The following PTPRK variants were observed in gnomAD, a reference collection of about 807,000 sequenced individuals.
The protein encoded by PTPRK is receptor-type tyrosine-protein phosphatase kappa.
A neutral mutation model predicts 178.0 loss-of-function variants in PTPRK; 75 were observed. That is an observed-to-expected ratio of 0.42 (90% CI 0.35 to 0.51). The LOEUF (loss-of-function observed/expected upper bound fraction) is 0.51, where lower values mean the gene tolerates loss of function less well. Ranked by LOEUF, PTPRK falls within the 20% of genes least tolerant of loss-of-function variation. The pLI is 0.02. For missense variants in PTPRK, 1,441 were observed against 1,797.8 expected (o/e 0.80, Z 3.59); for synonymous variants, 637 against 620.6 (o/e 1.03, Z -0.39).
intron 7 of PTPRK, among the ~76,000 whole-genome samples, chr6:128,143,742 A>T (rs1562664994): frequency 6.6e-6 from 1 of 152,142 alleles, no homozygotes; most frequent in African/African-American, 2.4e-5. Flanking sequence ...TTCCAAGTGA[A>T]TCATTCTAAT....
intron 2 of PTPRK, among the ~76,000 whole-genome samples, chr6:128,378,950 T>C (rs1035207621): frequency 4.6e-5 from 7 of 152,126 alleles, no homozygotes; most frequent in Admixed American, 1.3e-4. Flanking sequence ...AAAATGACCT[T>C]AGAGATTAAA....
chr6:128,260,574 CT>C (rs1434023845), intron 3 of PTPRK, among the ~76,000 whole-genome samples: 1 of 152,140 alleles, frequency 6.6e-6, no homozygotes, highest in Non-Finnish European at 1.5e-5. Flanking sequence ...CTAATTGGAG[CT>C]GGAGAAGCGA....
intron 5 of PTPRK, among the ~76,000 whole-genome samples, chr6:128,229,478 C>A (rs1306676593): frequency 1.3e-5 from 2 of 152,088 alleles, no homozygotes; most frequent in African/African-American, 4.8e-5. Context: ...CTGAAACGAT[C>A]TAGAAATGAG....
rs1264680446 is a variant in PTPRK, at chr6:128,089,996, A to C, written c.1163-4T>G. Reference sequence around the variant, plus strand: ...GTCTTTGGGGTTCTCATAGGTTCTGAAAAATAAATCAGAGTTGTAGACAGC... The same window carrying C: ...GTCTTTGGGGTTCTCATAGGTTCTGCAAAATAAATCAGAGTTGTAGACAGC... On this transcript the variant is annotated splice_region_variant and splice_polypyrimidine_tract_variant and intron_variant, in intron 7 of 29. Coordinates refer to ENST00000368226, the MANE Select transcript of PTPRK (RefSeq NM_002844.4). 2 of 1,588,056 alleles carry C rather than the reference A, an allele frequency of 1.3e-6. No homozygotes were observed. Among genetic ancestry groups the C allele is most frequent in the East Asian group, 4.5e-5 (2 of 44,524 alleles).
intron 1 of PTPRK, among the ~76,000 whole-genome samples, chr6:128,493,877 T>C (rs1014352252): frequency 1.3e-5 from 2 of 152,218 alleles, no homozygotes; most frequent in African/African-American, 2.4e-5. Context: ...CTCTGTCATC[T>C]GCCTTCTCTA....
At chr6:128,056,665 A>G (rs1194247595) in intron 13 of PTPRK, among the ~76,000 whole-genome samples, 1 of 151,906 alleles carries the variant, frequency 6.6e-6, no homozygotes, top group Non-Finnish European at 1.5e-5. Context: ...ACCTTGTGAT[A>G]CACCTGCCTC....
At chr6:128,041,462 A>T (rs957064635) in intron 13 of PTPRK, among the ~76,000 whole-genome samples, 3 of 152,166 alleles carry the variant, frequency 2.0e-5, no homozygotes, top group South Asian at 2.1e-4. Flanking sequence ...GCTCTATAAC[A>T]CTCTGCAAAT....
In PTPRK at chr6:128,281,252, T is replaced by C. The variant is rs530651177; in HGVS notation, c.496-38650A>G. Among the ~76,000 whole-genome samples, 8 of 152,322 alleles carry C rather than the reference T, an allele frequency of 5.3e-5. No individual in the cohort carries two copies. The South Asian group carries it at 1.0e-3, about 20-fold the overall frequency. ...AGAACAGGGCCAGCCAGATGTGGAC[T>C]TCTCCAAATAAAGCGAAGGCAGGAG... is the stretch of plus-strand genomic sequence containing the variant. On this transcript the variant is annotated intron_variant, in intron 3 of 29. Coordinates refer to ENST00000368226, the MANE Select transcript of PTPRK (RefSeq NM_002844.4).
Position 128,078,886 on chromosome 6 carries a change from C to A in PTPRK, c.1810G>T (p.Ala604Ser). The A allele has an allele frequency of 6.2e-7, 1 of 1,612,008 alleles. No homozygotes were observed. Among genetic ancestry groups the A allele is most frequent in the Non-Finnish European group, 8.5e-7 (1 of 1,178,542 alleles). Residue 604 changes from alanine to serine, a missense_variant, in exon 11 of 30, where the codon GCC becomes TCC. Transcript: ENST00000368226. Reference sequence around the variant, plus strand: ...GTGGTGGCAGTTTCATTGAGAGAGGCATCAACTCCTTCATAGTCAGGTAAA... The same window carrying A: ...GTGGTGGCAGTTTCATTGAGAGAGGAATCAACTCCTTCATAGTCAGGTAAA... ...PTLPDYEGVD[A>S]SLNETATTIT...
intron 2 of PTPRK, among the ~76,000 whole-genome samples, chr6:128,331,377 C>T (rs2128325853): frequency 6.6e-6 from 1 of 152,268 alleles, no homozygotes; most frequent in Admixed American, 6.5e-5. Flanking sequence ...GCCTCGCCAG[C>T]CCCTAACAGA....
At chr6:128,257,021 G>A (rs913240001) in intron 3 of PTPRK, among the ~76,000 whole-genome samples, 4 of 151,548 alleles carry the variant, frequency 2.6e-5, no homozygotes, top group Non-Finnish European at 4.4e-5. Context: ...ACATGAGGTC[G>A]GGAGTTCGAG....
intron 2 of PTPRK, among the ~76,000 whole-genome samples, chr6:128,386,879 C>A (rs903665638): frequency 4.6e-5 from 7 of 151,994 alleles, no homozygotes; most frequent in Admixed American, 6.6e-5. Context: ...ACCAGCCTGG[C>A]CAACATGGTG....
chr6:128,421,633 CACAA>C (rs1843495062), intron 1 of PTPRK, among the ~76,000 whole-genome samples: 1 of 152,170 alleles, frequency 6.6e-6, no homozygotes, highest in South Asian at 2.1e-4. Flanking sequence ...TCAGTAACTA[CACAA>C]GAGAACACCT....
At chr6:128,462,983 T>A (rs991305715) in intron 1 of PTPRK, among the ~76,000 whole-genome samples, 5 of 152,140 alleles carry the variant, frequency 3.3e-5, no homozygotes, top group African/African-American at 1.2e-4. Context: ...TTTAATTTCT[T>A]CGTTAAATAT....
chr6:128,065,769 AC>A (rs1781648409), intron 12 of PTPRK, among the ~76,000 whole-genome samples: 1 of 152,132 alleles, frequency 6.6e-6, no homozygotes, highest in African/African-American at 2.4e-5. Flanking sequence ...GTGGCCTGAG[AC>A]CTTCATGGTA....
chr6:128,172,569 A>G (rs1469948237), intron 7 of PTPRK, among the ~76,000 whole-genome samples: 1 of 151,718 alleles, frequency 6.6e-6, no homozygotes, highest in Non-Finnish European at 1.5e-5. Flanking sequence ...AAGTTGTTCT[A>G]ATTGGATGTT....
In PTPRK at chr6:128,089,847, G is replaced by T. The variant is rs149802467; in HGVS notation, c.1308C>A (p.Asn436Lys). 1.2e-6 allele frequency: 2 copies of T among 1,614,082 alleles called. No homozygotes were observed. The highest frequency in any genetic ancestry group is 8.5e-7 in the Non-Finnish European group (1 of 1,179,972). Residue 436 changes from asparagine to lysine, a missense_variant, in exon 8 of 30, where the codon AAC becomes AAA. Physicochemically the swap from Asn to Lys is moderately conservative, Grantham distance 94. Coordinates refer to ENST00000368226, the MANE Select transcript of PTPRK (RefSeq NM_002844.4). Reference sequence around the variant, plus strand: ...TGTCCAAACAGTCTGCCTTGCTCTCGTTGTGACCACGGAAGTAATGGTAGC... The same window carrying T: ...TGTCCAAACAGTCTGCCTTGCTCTCTTTGTGACCACGGAAGTAATGGTAGC... ...TICYHYFRGH[N>K]ESKADCLDMD...
intron 22 of PTPRK, among the ~76,000 whole-genome samples, chr6:127,985,180 G>A (rs1338608917): frequency 6.6e-6 from 1 of 152,090 alleles, no homozygotes; most frequent in East Asian, 1.9e-4. Context: ...AGAAAGTCTG[G>A]ATATAATGCT....
In PTPRK at chr6:127,996,981, A is replaced by C; in HGVS notation, c.2687T>G (p.Phe896Cys). ...YGFKEEYESF[F>C]EGQSASWDVA... ...ATCCCAAGATGCTGACTGTCCTTCA[A>C]AAAAGCTCTGGGAAAACAAAACGAA... Residue 896 changes from phenylalanine to cysteine, a missense_variant, in exon 17 of 30, where the codon TTT becomes TGT. This residue lies in a region of PTPRK where 945 missense variants were observed against 1,080.6 expected (regional missense o/e 0.87). Coordinates refer to ENST00000368226, the MANE Select transcript of PTPRK (RefSeq NM_002844.4). 6.2e-7 allele frequency: 1 copy of C among 1,611,474 alleles called. No individual in the cohort carries two copies. The highest frequency in any genetic ancestry group is 8.5e-7 in the Non-Finnish European group (1 of 1,178,556).
Sources: allele counts gnomAD v4.1 joint callset (sites outside exome capture counted in the v4.1 genomes callset), GRCh38; gene constraint gnomAD v4.1.1; regional missense constraint gnomAD v4.1.1; transcripts MANE v1.5; gene names NCBI Gene and HGNC (gene_info 2026-07-23, HGNC 2026-07-21).